Variants in TMEM102 observed in about 807,000 individuals in gnomAD.
The protein encoded by TMEM102 is transmembrane protein 102, also known as DANGER family member 2B.
In TMEM102, 28 loss-of-function variants were observed where a neutral mutation model predicts 26.8. The observed-to-expected ratio is 1.05, with a 90% CI of 0.77 to 1.43. TMEM102 has a LOEUF of 1.43. TMEM102 is among the 40% of genes most tolerant of loss of function. TMEM102 has a pLI of 0.00. For missense variants in TMEM102, 677 were observed against 705.6 expected, an observed-to-expected ratio of 0.96 and a Z score of 0.46; for synonymous variants, 306 against 332.1, an observed-to-expected ratio of 0.92 and a Z score of 0.86.
chr17:7,437,510 C>T lies in TMEM102; in HGVS notation c.*4C>T. ...CGTGGGGGGCGGGGCCCATTAAAGA[C>T]GCTGTTCCTACCAGTGGAAAGTGCC... On this transcript the variant is annotated 3_prime_UTR_variant, in exon 3 of 3. Transcript: ENST00000323206. The surrounding 1 kb of genome is among the most constrained non-coding windows in gnomAD (Gnocchi z 4.2). The T allele has an allele frequency of 7.3e-7, 1 of 1,375,264 alleles. No individual in the cohort carries two copies. The highest frequency in any genetic ancestry group is 9.4e-7 in the Non-Finnish European group (1 of 1,066,876). 85.2% of individuals were successfully genotyped at this position (1,375,264 alleles called of 1,614,324 possible). A position where few individuals can be genotyped will look rare whatever the true frequency, so the allele number is the denominator to read the frequency against.
intron 1 of TMEM102, 60 bp downstream of exon 1, chr17:7,435,756 T>A: frequency 1.2e-6 from 1 of 856,424 alleles, no homozygotes; most frequent in South Asian, 1.6e-5. Flanking sequence ...GACCCATTTG[T>A]AGGTTGTGTC....
At position 7,435,929 on chromosome 17, in the gene TMEM102, G is replaced by T. The variant is rs774243492; in HGVS notation, c.58G>T (p.Ala20Ser). 6.2e-7 allele frequency: 1 copy of T among 1,611,902 alleles called. No homozygotes were observed. The highest frequency in any genetic ancestry group is 1.1e-5 in the South Asian group (1 of 91,018). The stretch of plus-strand genomic sequence containing the variant: ...GTGGGGCCCGCCGCCCCCGGCCCCA[G>T]CTCGGCCGCTCACGGACATCGACTT... ...PWWGPPPPAP[A>S]RPLTDIDFCS... Residue 20 changes from alanine to serine, a missense_variant, in exon 2 of 3, where the codon GCT becomes TCT. Ala to Ser is a moderately conservative substitution (Grantham distance 99). Coordinates refer to ENST00000323206, the MANE Select transcript of TMEM102 (RefSeq NM_178518.3).
rs1908110083 is a variant in TMEM102, at chr17:7,437,577, G to A, written c.*71G>A. The stretch of plus-strand genomic sequence containing the variant: ...ACGTGGGGGGCCCTGCTCGCCCCTC[G>A]CCAGGGGGACTGACTGTGTGCCCTG... On this transcript the variant is annotated 3_prime_UTR_variant, in exon 3 of 3. Transcript: ENST00000323206. The surrounding 1 kb of genome is among the most constrained non-coding windows in gnomAD (Gnocchi z 4.2). 2 of 1,109,168 alleles carry A rather than the reference G, an allele frequency of 1.8e-6. No individual in the cohort carries two copies. Among genetic ancestry groups the A allele is most frequent in the South Asian group, 2.1e-5 (1 of 47,400 alleles). The allele number at this position is 1,109,168 out of a possible 1,614,324, so 68.7% of individuals were successfully genotyped here. A position where few individuals can be genotyped will look rare whatever the true frequency, so the allele number is the denominator to read the frequency against.
At position 7,436,069 on chromosome 17, in the gene TMEM102, T is replaced by C. The variant is rs575604893; in HGVS notation, c.198T>C (p.Phe66=). The C allele has an allele frequency of 6.8e-6, 11 of 1,613,756 alleles. No homozygotes were observed. The South Asian group carries it at 1.2e-4, about 18-fold the overall frequency. ...PGADLLRAKD[F]VFSLLGLVHR... ...CCGATCTCCTCCGGGCCAAGGACTT[T>C]GTCTTCTCTTTGCTTGGTAAGTAAC... Residue 66 remains phenylalanine (F), a synonymous_variant, in exon 2 of 3, where the codon TTT becomes TTC. Coordinates refer to ENST00000323206, the MANE Select transcript of TMEM102 (RefSeq NM_178518.3).
In TMEM102 at chr17:7,437,487, T is replaced by TG. The variant is rs1320870857; in HGVS notation, c.1514dup (p.Gly506ArgfsTer?). The TG allele has an allele frequency of 2.9e-6, 4 of 1,374,880 alleles. No individual in the cohort carries two copies. The African/African-American group carries it at 4.7e-5, about 16-fold the overall frequency. 85.2% of individuals were successfully genotyped at this position (1,374,880 alleles called of 1,614,324 possible). On this transcript the variant is annotated frameshift_variant, in exon 3 of 3. Coordinates refer to ENST00000323206, the MANE Select transcript of TMEM102 (RefSeq NM_178518.3). LOFTEE classifies it high-confidence loss of function. This position sits in a 1 kb window ranked among gnomAD's most constrained non-coding sequence, Gnocchi z 4.2. ...CGCAAGGGGGGCGGTTTGGCGGGCG[T>TG]GGGGGGCGGGGCCCATTAAAGACGC... is the stretch of plus-strand genomic sequence containing the variant.
At position 7,435,976 on chromosome 17, in the gene TMEM102, G is replaced by A. The variant is rs1907996906; in HGVS notation, c.105G>A (p.Gln35=). 6.2e-7 allele frequency: 1 copy of A among 1,613,416 alleles called. No homozygotes were observed. Among genetic ancestry groups the A allele is most frequent in the African/African-American group, 1.3e-5 (1 of 75,076 alleles). ...DIDFCSGAQL[Q]ELTQLIQELG... ...ACTTCTGCTCCGGGGCGCAGCTGCA[G>A]GAATTGACCCAGCTGATCCAGGAGC... Residue 35 remains glutamine (Q), a synonymous_variant, in exon 2 of 3, where the codon CAG becomes CAA. Transcript: ENST00000323206.
rs534577814 is a variant in TMEM102, at chr17:7,435,917, C to T, written c.46C>T (p.Pro16Ser). 3 of 1,610,684 alleles carry T rather than the reference C, an allele frequency of 1.9e-6. No homozygotes were observed. The highest frequency in any genetic ancestry group is 3.3e-5 in the Admixed American group (2 of 59,938). ...GAGTGCCCCCTGGTGGGGCCCGCCG[C>T]CCCCGGCCCCAGCTCGGCCGCTCAC... The part of the protein sequence containing the change: ...WGSAPWWGPP[P>S]PAPARPLTDI... Residue 16 changes from proline to serine, a missense_variant, in exon 2 of 3, where the codon CCC becomes TCC. By Grantham distance (74) the Pro-to-Ser change is moderately conservative (BLOSUM62 -1). Coordinates refer to ENST00000323206, the MANE Select transcript of TMEM102 (RefSeq NM_178518.3).
In TMEM102 at chr17:7,435,897, C is replaced by T. The variant is rs1459569057; in HGVS notation, c.26C>T (p.Ala9Val). Residue 9 changes from alanine (A) to valine (V), a missense_variant, in exon 2 of 3, where the codon GCC (alanine) becomes GTC (valine). By Grantham distance (64) the Ala-to-Val change is moderately conservative. Coordinates refer to ENST00000323206, the MANE Select transcript of TMEM102 (RefSeq NM_178518.3). The stretch of plus-strand genomic sequence containing the variant: ...ATGGCTTCCGCAGTCTGGGGGAGTG[C>T]CCCCTGGTGGGGCCCGCCGCCCCCG... Reference protein sequence around the residue: MASAVWGSAPWWGPPPPAP... With the variant: MASAVWGSVPWWGPPPPAP... 1.9e-6 allele frequency: 3 copies of T among 1,608,564 alleles called. No homozygotes were observed. The South Asian group carries it at 3.3e-5, about 18-fold the overall frequency.
chr17:7,437,176 G>T lies in TMEM102; in HGVS notation c.1197G>T (p.Gly399=). The change falls in exon 3 of 3, where the codon GGG becomes GGT. Residue 399 remains glycine (G), a synonymous_variant. Transcript: ENST00000323206. This position sits in a 1 kb window ranked among gnomAD's most constrained non-coding sequence, Gnocchi z 4.2. ...CGCTACTGCGCCCGCTGGTGGCCGGGACCCGGGCGGCGGCGCCCTACCTCC... is the reference window on the plus strand; with the variant it reads ...CGCTACTGCGCCCGCTGGTGGCCGGTACCCGGGCGGCGGCGCCCTACCTCC... ...AQALLRPLVA[G]TRAAAPYLLR... 1 of 1,490,258 alleles carries T rather than the reference G, an allele frequency of 6.7e-7. No individual in the cohort carries two copies. 92.3% of individuals were successfully genotyped at this position (1,490,258 alleles called of 1,614,324 possible). A position where few individuals can be genotyped will look rare whatever the true frequency, so the allele number is the denominator to read the frequency against.
intron 2 of TMEM102, 38 bp from the exon 3 acceptor site, chr17:7,436,156 T>A: frequency 6.3e-7 from 1 of 1,598,192 alleles, no homozygotes; most frequent in East Asian, 2.2e-5. Flanking sequence ...CCGCCCCGGC[T>A]TTGGGCGACG....
chr17:7,435,714 T>C lies in TMEM102; in HGVS notation c.-20+18T>C. 1.5e-6 allele frequency: 1 copy of C among 664,298 alleles called. No homozygotes were observed. Among genetic ancestry groups the C allele is most frequent in the South Asian group, 1.9e-5 (1 of 51,314 alleles). 41.2% of individuals were successfully genotyped at this position (664,298 alleles called of 1,614,324 possible). A position where few individuals can be genotyped will look rare whatever the true frequency, so the allele number is the denominator to read the frequency against. ...TAGAAGAGGTATTTATTTGTTCATTTTGAGGACTAAATTTAGAACCCATCA... is the reference window on the plus strand; with the variant it reads ...TAGAAGAGGTATTTATTTGTTCATTCTGAGGACTAAATTTAGAACCCATCA... On this transcript the variant is annotated intron_variant, in intron 1 of 2. Coordinates refer to ENST00000323206, the MANE Select transcript of TMEM102 (RefSeq NM_178518.3).
rs9902332 is a variant in TMEM102, at chr17:7,437,411, G to T, written c.1432G>T (p.Gly478Trp). 3,281 of 1,517,444 alleles carry T rather than the reference G, an allele frequency of 2.2e-3. 46 individuals are homozygous for T. The African/African-American group carries it at 0.037, about 17-fold the overall frequency. The allele number at this position is 1,517,444 out of a possible 1,614,324, so 94.0% of individuals were successfully genotyped here. A position where few individuals can be genotyped will look rare whatever the true frequency, so the allele number is the denominator to read the frequency against. ...ALLGELARLRGDPARALRAAV... is the reference protein window; with the variant it reads ...ALLGELARLRWDPARALRAAV... Reference sequence around the variant, plus strand: ...GCTCGGAGAATTGGCCCGGCTCCGCGGGGACCCGGCCCGGGCCCTCCGTGC... The same window carrying T: ...GCTCGGAGAATTGGCCCGGCTCCGCTGGGACCCGGCCCGGGCCCTCCGTGC... The change falls in exon 3 of 3, where the codon GGG becomes TGG. Residue 478 changes from glycine to tryptophan, a missense_variant. By Grantham distance (184) the Gly-to-Trp change is radical. Transcript: ENST00000323206. The surrounding 1 kb of genome is among the most constrained non-coding windows in gnomAD (Gnocchi z 4.2).
Position 7,436,262 on chromosome 17 carries a change from C to T in TMEM102, c.283C>T (p.Arg95Cys). 6.2e-7 allele frequency: 1 copy of T among 1,613,594 alleles called. No homozygotes were observed. Among genetic ancestry groups the T allele is most frequent in the Non-Finnish European group, 8.5e-7 (1 of 1,180,028 alleles). The part of the protein sequence containing the change: ...AELLLLRGGI[R>C]EGSLDLGHAP... ...GCTCTTGCTGCTTCGTGGTGGGATT[C>T]GCGAGGGCTCCCTGGATCTGGGGCA... The change falls in exon 3 of 3, where the codon CGC (arginine) becomes TGC (cysteine). Residue 95 changes from arginine to cysteine, a missense_variant. By Grantham distance (180) the Arg-to-Cys change is radical. Transcript: ENST00000323206.
In TMEM102 at chr17:7,436,375, A is replaced by G. The variant is rs113850598; in HGVS notation, c.396A>G (p.Glu132=). 8 of 1,613,820 alleles carry G rather than the reference A, an allele frequency of 5.0e-6. No homozygotes were observed. The African/African-American group carries it at 6.7e-5, about 13-fold the overall frequency. ...CCATGTTTTCACTGGACGGCACTGA[A>G]CTGCAACTGGACCTGGAATCCTGTT... is the stretch of plus-strand genomic sequence containing the variant. ...LVPMFSLDGT[E]LQLDLESCYA... Residue 132 remains glutamate (E), a synonymous_variant, in exon 3 of 3, where the codon GAA becomes GAG. Coordinates refer to ENST00000323206, the MANE Select transcript of TMEM102 (RefSeq NM_178518.3).
intron 1 of TMEM102, 45 bp from the exon 2 acceptor site, chr17:7,435,808 C>T: frequency 6.8e-7 from 1 of 1,460,098 alleles, no homozygotes; most frequent in South Asian, 1.3e-5. Flanking sequence ...AGAACGGGGA[C>T]GACTTTGTGG....
At position 7,437,555 on chromosome 17, in the gene TMEM102, TG is replaced by T. The variant is rs1270991248; in HGVS notation, c.*55del. ...AGTGCCTCTGTGGGCGAGCGGGACG[TG>T]GGGGGCCCTGCTCGCCCCTCGCCAG... On this transcript the variant is annotated 3_prime_UTR_variant, in exon 3 of 3. Coordinates refer to ENST00000323206, the MANE Select transcript of TMEM102 (RefSeq NM_178518.3). This position sits in a 1 kb window ranked among gnomAD's most constrained non-coding sequence, Gnocchi z 4.2. 8.1e-6 allele frequency: 10 copies of T among 1,232,534 alleles called. No homozygotes were observed. The highest frequency in any genetic ancestry group is 6.4e-5 in the African/African-American group (4 of 62,902). 76.3% of individuals were successfully genotyped at this position (1,232,534 alleles called of 1,614,324 possible). A position where few individuals can be genotyped will look rare whatever the true frequency, so the allele number is the denominator to read the frequency against.
At position 7,437,062 on chromosome 17, in the gene TMEM102, C is replaced by T; in HGVS notation, c.1083C>T (p.Ser361=). Residue 361 remains serine (S), a synonymous_variant, in exon 3 of 3, where the codon TCC becomes TCT. Transcript: ENST00000323206. The surrounding 1 kb of genome is among the most constrained non-coding windows in gnomAD (Gnocchi z 4.2). ...PGGGTERPCA[S]AWQLCFARQE... ...GCGGCACCGAGCGGCCGTGCGCCTCCGCCTGGCAGCTCTGTTTTGCCCGCC... is the reference window on the plus strand; with the variant it reads ...GCGGCACCGAGCGGCCGTGCGCCTCTGCCTGGCAGCTCTGTTTTGCCCGCC... 1.3e-6 allele frequency: 2 copies of T among 1,553,376 alleles called. No homozygotes were observed. Among genetic ancestry groups the T allele is most frequent in the South Asian group, 1.2e-5 (1 of 86,010 alleles).
chr17:7,436,316 C>A lies in TMEM102; in HGVS notation c.337C>A (p.Pro113Thr). The change falls in exon 3 of 3, where the codon CCT becomes ACT. Residue 113 changes from proline to threonine, a missense_variant. Physicochemically the swap from Pro to Thr is conservative, Grantham distance 38. Transcript: ENST00000323206. ...ACCCCTGGGTCCCTACGCCCGGGGA[C>A]CTCACTACGATGCCGGCTTCACACT... ...HAPLGPYARG[P>T]HYDAGFTLLV... 1 of 1,613,824 alleles carries A rather than the reference C, an allele frequency of 6.2e-7. No homozygotes were observed. The highest frequency in any genetic ancestry group is 8.5e-7 in the Non-Finnish European group (1 of 1,180,030).
chr17:7,436,100 T>C lies in TMEM102; in HGVS notation c.214+15T>C. 1 of 1,610,924 alleles carries C rather than the reference T, an allele frequency of 6.2e-7. No homozygotes were observed. The highest frequency in any genetic ancestry group is 1.1e-5 in the South Asian group (1 of 91,038). ...CTCTTTGCTTGGTAAGTAACCCTACTTGCCTTTGGGAACTCACAGCTCTCA... is the reference window on the plus strand; with the variant it reads ...CTCTTTGCTTGGTAAGTAACCCTACCTGCCTTTGGGAACTCACAGCTCTCA... On this transcript the variant is annotated intron_variant, in intron 2 of 2. Coordinates refer to ENST00000323206, the MANE Select transcript of TMEM102 (RefSeq NM_178518.3).
Sources: gnomAD v4.1 joint callset for allele counts on GRCh38, gnomAD v4.1.1 for gene constraint, Gnocchi (gnomAD v3.1) non-coding constraint, MANE v1.5 for transcripts, NCBI Gene and HGNC (gene_info 2026-07-23, HGNC 2026-07-21) for gene names.